FLNB: variants seen among roughly 807,000 people sequenced by gnomAD.
FLNB encodes filamin B, also known as filamin-B.
A neutral mutation model predicts 250.6 loss-of-function variants in FLNB; 111 were observed. The ratio of observed to expected loss-of-function variants is 0.44; its 90% CI spans 0.38 to 0.52. The LOEUF (loss-of-function observed/expected upper bound fraction) is 0.52, where lower values mean the gene tolerates loss of function less well. FLNB is among the 20% of genes least tolerant of loss of function. The pLI, the probability that FLNB is intolerant of heterozygous loss-of-function variation, is 0.00. For synonymous variants in FLNB, 1,302 were observed against 1,372.1 expected (o/e 0.95, Z 1.13); for missense variants, 2,869 against 3,447.8 (o/e 0.83, Z 4.20).
At chr3:58,170,504 T>A in intron 45 of FLNB, 71 bp from the exon 46 acceptor site, 1 of 1,486,480 alleles carries the variant, frequency 6.7e-7, no homozygotes, top group Non-Finnish European at 9.3e-7. Context: ...TACCTTTGGC[T>A]CTCATATTTC....
chr3:58,137,102 A>G (rs2097317517), intron 28 of FLNB, among the ~76,000 whole-genome samples: 1 of 152,188 alleles, frequency 6.6e-6, no homozygotes, highest in Non-Finnish European at 1.5e-5. Context: ...CCCCATCTCT[A>G]AAATGAGACA....
chr3:58,025,979 G>A (rs1200374832), intron 1 of FLNB, among the ~76,000 whole-genome samples: 2 of 152,162 alleles, frequency 1.3e-5, no homozygotes, highest in Non-Finnish European at 2.9e-5. Context: ...TAAAAGAGAA[G>A]GTGCCTCTAA....
At chr3:58,012,265 G>A (rs1445892277) in intron 1 of FLNB, among the ~76,000 whole-genome samples, 1 of 150,610 alleles carries the variant, frequency 6.6e-6, no homozygotes, top group Admixed American at 6.6e-5. Flanking sequence ...CCGAAGGGAC[G>A]TTCAAAATTA....
At position 58,142,854 on chromosome 3, in the gene FLNB, C is replaced by T. The variant is rs1383031251; in HGVS notation, c.5284+102C>T. On this transcript the variant is annotated intron_variant, in intron 31 of 45. Coordinates refer to ENST00000295956, the MANE Select transcript of FLNB (RefSeq NM_001457.4). This position sits in a 1 kb window ranked among gnomAD's most constrained non-coding sequence, Gnocchi z 4.3. ...TCCACTGTCCCCCAGACCCAGGCTC[C>T]TTAACCCAGGGTCACGAGTTCTTGG... The T allele has an allele frequency of 3.9e-6, 4 of 1,027,228 alleles. No individual in the cohort carries two copies. Among genetic ancestry groups the T allele is most frequent in the East Asian group, 4.8e-5 (2 of 41,712 alleles). The allele number at this position is 1,027,228 out of a possible 1,614,324, so 63.6% of individuals were successfully genotyped here.
intron 24 of FLNB, among the ~76,000 whole-genome samples, chr3:58,130,242 T>C (rs994617306): frequency 1.3e-5 from 2 of 152,102 alleles, no homozygotes; most frequent in African/African-American, 4.8e-5. Context: ...CCACTTGGCT[T>C]CCTCCTTCAG....
chr3:58,039,385 C>T (rs1054708475), intron 1 of FLNB, among the ~76,000 whole-genome samples: 2 of 151,264 alleles, frequency 1.3e-5, no homozygotes, highest in Admixed American at 6.6e-5. Context: ...TGTCTTGGTT[C>T]TCTGTTCACT....
At chr3:58,019,730 T>G (rs2097110972) in intron 1 of FLNB, among the ~76,000 whole-genome samples, 1 of 152,242 alleles carries the variant, frequency 6.6e-6, no homozygotes, top group Non-Finnish European at 1.5e-5. Flanking sequence ...TGCGCTTGAT[T>G]CATGTGAAAC....
At chr3:58,019,456 C>T (rs1166855797) in intron 1 of FLNB, among the ~76,000 whole-genome samples, 6 of 152,132 alleles carry the variant, frequency 3.9e-5, no homozygotes, top group African/African-American at 9.7e-5. Context: ...AATTTTAAGC[C>T]TCTGCCTCTT....
chr3:58,112,675 A>G (rs1282061200), intron 18 of FLNB, among the ~76,000 whole-genome samples: 1 of 152,230 alleles, frequency 6.6e-6, no homozygotes, highest in African/African-American at 2.4e-5. Flanking sequence ...ACACACACAC[A>G]CGTGCATTCC....
At chr3:58,074,288 C>T (rs1158823899) in intron 1 of FLNB, among the ~76,000 whole-genome samples, 1 of 152,198 alleles carries the variant, frequency 6.6e-6, no homozygotes, top group Non-Finnish European at 1.5e-5. Context: ...TTAACAGATC[C>T]TTCAGGTGAT....
At chr3:58,141,984 C>T in intron 30 of FLNB, 55 bp downstream of exon 30, 1 of 1,482,570 alleles carries the variant, frequency 6.7e-7, no homozygotes, top group African/African-American at 1.4e-5. Context: ...GCCTTCATTT[C>T]AGAAAATCTG....
chr3:58,133,464 A>G (rs1329665317), intron 26 of FLNB, among the ~76,000 whole-genome samples: 1 of 147,180 alleles, frequency 6.8e-6, no homozygotes, highest in Non-Finnish European at 1.5e-5. Context: ...AAAAAAAAAA[A>G]AGCAATAGTA....
rs375411803 is a variant in FLNB at position 58,008,532 on chromosome 3, C to T, written c.-33C>T. ...GCCTCCAAACACCAGTCCCCGGCAG[C>T]TCGTTGCGCATTGCGCTCTCCCCGC... On this transcript the variant is annotated 5_prime_UTR_variant, in exon 1 of 46. Coordinates refer to ENST00000295956, the MANE Select transcript of FLNB (RefSeq NM_001457.4). 5.8e-6 allele frequency: 9 copies of T among 1,561,148 alleles called. No individual in the cohort carries two copies. The highest frequency in any genetic ancestry group is 1.4e-5 in the African/African-American group (1 of 73,368).
rs1437307000 is a variant in FLNB at position 58,132,698 on chromosome 3, G to T, written c.4391-110G>T. The T allele has an allele frequency of 6.3e-6, 9 of 1,420,980 alleles. No homozygotes were observed. The Admixed American group carries it at 1.4e-4, about 21-fold the overall frequency. 88.0% of individuals were successfully genotyped at this position (1,420,980 alleles called of 1,614,324 possible). ...TTGCTGGCCTTTTTGTTACTCATCAGTGGAAACCAATAGCTCTTGGGGATG... is the reference window on the plus strand; with the variant it reads ...TTGCTGGCCTTTTTGTTACTCATCATTGGAAACCAATAGCTCTTGGGGATG... On this transcript the variant is annotated intron_variant, in intron 25 of 45. Coordinates refer to ENST00000295956, the MANE Select transcript of FLNB (RefSeq NM_001457.4).
At position 58,142,774 on chromosome 3, in the gene FLNB, C is replaced by CG; in HGVS notation, c.5284+23dup. ...ACTGGTAAGCACTTGCCATAAAGGCCGTCTCATTCTCACTTGCTCTCACGA... is the reference window on the plus strand; with the variant it reads ...ACTGGTAAGCACTTGCCATAAAGGCCGGTCTCATTCTCACTTGCTCTCACGA... On this transcript the variant is annotated intron_variant, in intron 31 of 45. Transcript: ENST00000295956. The surrounding 1 kb of genome is among the most constrained non-coding windows in gnomAD (Gnocchi z 4.3). 1 of 1,594,474 alleles carries CG rather than the reference C, an allele frequency of 6.3e-7. No homozygotes were observed. Among genetic ancestry groups the CG allele is most frequent in the Non-Finnish European group, 8.6e-7 (1 of 1,162,250 alleles).
intron 15 of FLNB, 105 bp from the exon 16 acceptor site, chr3:58,109,905 A>G: frequency 6.7e-7 from 1 of 1,495,984 alleles, no homozygotes; most frequent in Non-Finnish European, 9.3e-7. Flanking sequence ...GTTTCTTACT[A>G]GAAACTTCCC....
chr3:58,011,321 G>A (rs770113445), intron 1 of FLNB, among the ~76,000 whole-genome samples: 19 of 152,148 alleles, frequency 1.2e-4, no homozygotes, highest in Non-Finnish European at 2.8e-4. Context: ...TGGGCTGTTG[G>A]CAGCTTCTTC....
chr3:58,036,071 A>C (rs532623407), intron 1 of FLNB, among the ~76,000 whole-genome samples: 1 of 152,282 alleles, frequency 6.6e-6, no homozygotes, highest in East Asian at 1.9e-4. Flanking sequence ...TAATGACTCC[A>C]TGGCTGTAAA....
At chr3:58,095,026 A>G (rs2097235734) in intron 5 of FLNB, 72 bp downstream of exon 5, 2 of 1,151,264 alleles carry the variant, frequency 1.7e-6, no homozygotes, top group Admixed American at 3.4e-5. Context: ...GCGGCCAGGG[A>G]CTGTGCCTCC....
Sources: allele counts gnomAD v4.1 joint callset (sites outside exome capture counted in the v4.1 genomes callset), GRCh38; gene constraint gnomAD v4.1.1; non-coding constraint Gnocchi (gnomAD v3.1); transcripts MANE v1.5; gene names NCBI Gene and HGNC (gene_info 2026-07-23, HGNC 2026-07-21).